The following CACNA1E variants were observed in gnomAD, a reference collection of about 807,000 sequenced individuals.
CACNA1E encodes the protein voltage-dependent R-type calcium channel subunit alpha-1E.
CACNA1E carries 40 observed loss-of-function variants against 259.2 expected under a neutral mutation model. That is an observed-to-expected ratio of 0.15 (90% CI 0.12 to 0.20). The LOEUF (loss-of-function observed/expected upper bound fraction) is 0.20, where lower values mean the gene tolerates loss of function less well. Ranked by LOEUF, CACNA1E falls within the 10% of genes least tolerant of loss-of-function variation. The pLI, the probability that CACNA1E is intolerant of heterozygous loss-of-function variation, is 1.00. For missense variants in CACNA1E, 1,874 were observed against 3,040.1 expected (o/e 0.62, Z 9.02); for synonymous variants, 1,104 against 1,138.5 (o/e 0.97, Z 0.61).
intron 1 of CACNA1E, among the ~76,000 whole-genome samples, chr1:181,368,610 G>A (rs1385790769): frequency 2.6e-5 from 4 of 152,124 alleles, no homozygotes; most frequent in Non-Finnish European, 5.9e-5. Flanking sequence ...TGAGGATGGA[G>A]AAAAGGAGAT....
intron 1 of CACNA1E, among the ~76,000 whole-genome samples, chr1:181,506,628 C>A (rs1041533499): frequency 1.3e-5 from 2 of 152,332 alleles, no homozygotes; most frequent in Non-Finnish European, 2.9e-5. Flanking sequence ...ATTCAAAGAG[C>A]TGTGGGGCAC....
At chr1:181,460,174 T>A (rs1020655761) in intron 2 of CACNA1E, among the ~76,000 whole-genome samples, 1 of 152,096 alleles carries the variant, frequency 6.6e-6, no homozygotes, top group African/African-American at 2.4e-5. Flanking sequence ...ATTTTGAGAA[T>A]TAGGGGAGGT....
In CACNA1E at chr1:181,579,228, G is replaced by T. The variant is rs1258496167; in HGVS notation, c.769+4G>T. 2 of 1,607,008 alleles carry T rather than the reference G, an allele frequency of 1.2e-6. No homozygotes were observed. The highest frequency in any genetic ancestry group is 2.2e-5 in the East Asian group (1 of 44,716). ...GCATGCTTCATGAACAATTCAGGTA[G>T]GGTCGTTCTTTTCTGTCTTCTCCTT... On this transcript the variant is annotated splice_donor_region_variant and intron_variant, in intron 5 of 47. Transcript: ENST00000367573.
intron 1 of CACNA1E, among the ~76,000 whole-genome samples, chr1:181,408,043 G>A (rs576812014): frequency 1.3e-5 from 2 of 152,250 alleles, no homozygotes; most frequent in South Asian, 2.1e-4. Flanking sequence ...CACTCACCTC[G>A]TAGTGTTCAT....
chr1:181,606,509 C>T (rs55886412), intron 6 of CACNA1E, among the ~76,000 whole-genome samples: 12,112 of 152,254 alleles, frequency 0.08, 586 homozygotes, highest in South Asian at 0.21. Context: ...TCTTCTTTGC[C>T]CCTGATGACT....
intron 2 of CACNA1E, among the ~76,000 whole-genome samples, chr1:181,458,812 A>G (rs565304352): frequency 2.0e-4 from 30 of 149,990 alleles, no homozygotes; most frequent in African/African-American, 7.1e-4. Flanking sequence ...TACATTTTAA[A>G]TCATTTATTT....
intron 6 of CACNA1E, among the ~76,000 whole-genome samples, chr1:181,597,895 C>A (rs1653355918): frequency 6.6e-6 from 1 of 152,168 alleles, no homozygotes; most frequent in Non-Finnish European, 1.5e-5. Context: ...GAAAGACCTG[C>A]CCCCATAATT....
chr1:181,625,234 C>CT (rs1656087553), intron 6 of CACNA1E, among the ~76,000 whole-genome samples: 1 of 152,018 alleles, frequency 6.6e-6, no homozygotes, highest in Admixed American at 6.5e-5. Context: ...TGAACATTGG[C>CT]TTTAACTTAA....
intron 39 of CACNA1E, 46 bp from the exon 40 acceptor site, chr1:181,783,633 A>ATT (rs112594566): frequency 0.019 from 16,240 of 864,372 alleles, 2 homozygotes; most frequent in East Asian, 0.023. Context: ...ATGTCTTTCA[A>ATT]TTTTTTTTTT....
At chr1:181,702,447 G>A (rs1471213847) in intron 7 of CACNA1E, among the ~76,000 whole-genome samples, 1 of 152,096 alleles carries the variant, frequency 6.6e-6, no homozygotes, top group Non-Finnish European at 1.5e-5. Flanking sequence ...GACAACCAGA[G>A]ACATTCTTTG....
chr1:181,496,956 C>G (rs1242982910), intron 1 of CACNA1E, among the ~76,000 whole-genome samples: 1 of 152,058 alleles, frequency 6.6e-6, no homozygotes, highest in Non-Finnish European at 1.5e-5. Flanking sequence ...GTGGGCTTGT[C>G]TGGAGGTGGG....
intron 3 of CACNA1E, among the ~76,000 whole-genome samples, chr1:181,530,583 C>T (rs1440101451): frequency 6.6e-6 from 1 of 152,134 alleles, no homozygotes; most frequent in Non-Finnish European, 1.5e-5. Flanking sequence ...GTTTTATCTT[C>T]TTGAATCTTA....
At chr1:181,689,763 A>G (rs1191203110) in intron 7 of CACNA1E, among the ~76,000 whole-genome samples, 1 of 152,102 alleles carries the variant, frequency 6.6e-6, no homozygotes, top group Non-Finnish European at 1.5e-5. Flanking sequence ...TTTCTTGGTC[A>G]TATAAATGTC....
At chr1:181,734,627 G>A (rs559437089) in intron 21 of CACNA1E, among the ~76,000 whole-genome samples, 2 of 65,766 alleles carry the variant, frequency 3.0e-5, no homozygotes, top group Admixed American at 1.7e-4. Context: ...CCATCCCTGC[G>A]CTGACCCCAC....
intron 3 of CACNA1E, among the ~76,000 whole-genome samples, chr1:181,565,261 G>A (rs991676047): frequency 3.3e-5 from 5 of 152,164 alleles, no homozygotes; most frequent in Admixed American, 3.3e-4. Context: ...GAGCAAGGAG[G>A]TACTTTTCAG....
chr1:181,345,471 G>C (rs1259402072), intron 1 of CACNA1E, among the ~76,000 whole-genome samples: 1 of 152,228 alleles, frequency 6.6e-6, no homozygotes. Flanking sequence ...CCTGGGGCAT[G>C]AGTGGCTACC....
At chr1:181,381,969 G>A (rs1655487485) in intron 1 of CACNA1E, among the ~76,000 whole-genome samples, 1 of 152,194 alleles carries the variant, frequency 6.6e-6, no homozygotes, top group Non-Finnish European at 1.5e-5. Flanking sequence ...ACGAAAATGT[G>A]CACATGAGCA....
upstream of CACNA1E, among the ~76,000 whole-genome samples, chr1:181,482,598 G>A (rs1663364578): frequency 1.3e-5 from 2 of 151,668 alleles, no homozygotes; most frequent in African/African-American, 4.9e-5. Context: ...TTCTCCCAGC[G>A]CTCTTGCGCG....
chr1:181,324,455 G>A (rs1458270375), intron 1 of CACNA1E, among the ~76,000 whole-genome samples: 1 of 152,180 alleles, frequency 6.6e-6, no homozygotes, highest in Non-Finnish European at 1.5e-5. Flanking sequence ...AAGTTAAATT[G>A]TATGCAGAAG....
Sources: gnomAD v4.1 joint callset for allele counts (sites outside exome capture counted in the v4.1 genomes callset) on GRCh38, gnomAD v4.1.1 for gene constraint, MANE v1.5 for transcripts, NCBI Gene and HGNC (gene_info 2026-07-23, HGNC 2026-07-21) for gene names.